The following INO80D variants were observed in gnomAD, a reference collection of about 807,000 sequenced individuals.
INO80D encodes the protein INO80 complex subunit D.
In INO80D, 21 loss-of-function variants were observed where a neutral mutation model predicts 87.6. The ratio of observed to expected loss-of-function variants is 0.24; its 90% CI spans 0.17 to 0.35. INO80D has a LOEUF of 0.35. Ranked by LOEUF, INO80D falls within the 10% of genes least tolerant of loss-of-function variation. The pLI, the probability that INO80D is intolerant of heterozygous loss-of-function variation, is 1.00. For synonymous variants in INO80D, 440 were observed against 491.0 expected (o/e 0.90, Z 1.37); for missense variants, 982 against 1,280.7 (o/e 0.77, Z 3.56).
intron 8 of INO80D, among the ~76,000 whole-genome samples, chr2:206,012,889 C>T (rs1398498025): frequency 8.1e-6 from 1 of 123,140 alleles, no homozygotes; most frequent in African/African-American, 2.8e-5. Context: ...AAAAAAAAAC[C>T]AGAGCCTAGA....
At position 205,994,093 on chromosome 2, in the gene INO80D, A is replaced by T. The variant is rs867114476; in HGVS notation, c.*10275T>A. 6.6e-6 allele frequency: 1 copy of T among 152,144 alleles called. No individual in the cohort carries two copies. Among genetic ancestry groups the T allele is most frequent in the Non-Finnish European group, 1.5e-5 (1 of 68,020 alleles). 9.4% of individuals were successfully genotyped at this position (152,144 alleles called of 1,614,324 possible). On this transcript the variant is annotated 3_prime_UTR_variant, in exon 11 of 11. Transcript: ENST00000403263. ...CAATGCCGCACCCAATGCCACAAGT[A>T]TGCCTGTCCACCAGAACTGGGGGCT...
chr2:206,020,439 T>G (rs560991317), intron 6 of INO80D, among the ~76,000 whole-genome samples: 1 of 152,314 alleles, frequency 6.6e-6, no homozygotes, highest in East Asian at 1.9e-4. Context: ...GATTGCCTCA[T>G]GCTACTAAAC....
chr2:206,037,606 A>C (rs184690919), intron 5 of INO80D, among the ~76,000 whole-genome samples: 1 of 152,344 alleles, frequency 6.6e-6, no homozygotes, highest in Non-Finnish European at 1.5e-5. Flanking sequence ...TATCATTAAA[A>C]AGACACTGTT....
chr2:206,004,919 A>G lies in INO80D; in HGVS notation c.2533T>C (p.Ser845Pro). 6.2e-7 allele frequency: 1 copy of G among 1,613,946 alleles called. No homozygotes were observed. The change falls in exon 11 of 11, where the codon TCT (serine) becomes CCT (proline). Residue 845 changes from serine to proline, a missense_variant. Coordinates refer to ENST00000403263, the MANE Select transcript of INO80D (RefSeq NM_017759.5). The surrounding 1 kb of genome is among the most constrained non-coding windows in gnomAD (Gnocchi z 4.9). ...CCAGAGTACGATGTTGTGTGGGGAG[A>G]GGTGATATGGTCACTGTAGGGAGAC... is the stretch of plus-strand genomic sequence containing the variant. The part of the protein sequence containing the change: ...VPSPYSDHIT[S>P]PHTTSYSGDN...
chr2:206,011,986 G>A (rs1209371345), intron 8 of INO80D, among the ~76,000 whole-genome samples: 1 of 152,236 alleles, frequency 6.6e-6, no homozygotes, highest in African/African-American at 2.4e-5. Flanking sequence ...TGAATGAAAG[G>A]AAGGAGTGAG....
At chr2:206,036,585 A>T (rs1159156282) in intron 5 of INO80D, among the ~76,000 whole-genome samples, 2 of 152,174 alleles carry the variant, frequency 1.3e-5, no homozygotes, top group Admixed American at 1.3e-4. Flanking sequence ...CTTGGGGGGA[A>T]GGGTGGAAGG....
At chr2:206,081,195 G>A (rs1259895682) in intron 1 of INO80D, among the ~76,000 whole-genome samples, 1 of 152,114 alleles carries the variant, frequency 6.6e-6, no homozygotes, top group African/African-American at 2.4e-5. Flanking sequence ...CAGAGCCCAA[G>A]CTTTTAACCA....
chr2:206,070,864 G>A (rs1458890392), intron 1 of INO80D, among the ~76,000 whole-genome samples: 3 of 147,484 alleles, frequency 2.0e-5, no homozygotes, highest in East Asian at 3.9e-4. Flanking sequence ...CCTGAAGCCA[G>A]TCTCTTGATT....
intron 1 of INO80D, among the ~76,000 whole-genome samples, chr2:206,075,630 G>T (rs1690095143): frequency 6.6e-6 from 1 of 151,484 alleles, no homozygotes; most frequent in African/African-American, 2.4e-5. Flanking sequence ...AGACACGAGG[G>T]TTTCACCATG....
At chr2:206,040,762 T>G (rs818013) in intron 5 of INO80D, 208,389 of 273,406 alleles carry the variant, frequency 0.76, 80,716 homozygotes, top group South Asian at 0.88. Flanking sequence ...TAAACACAAG[T>G]CCCAATGGGA....
rs1347487380 is a variant in INO80D, at chr2:206,003,572, T to G, written c.*796A>C. ...ATGTTCTGTTTCTTCTTGGGCTAACTTTTAGCAGAAAAAGGTTGTGCTACT... is the reference window on the plus strand; with the variant it reads ...ATGTTCTGTTTCTTCTTGGGCTAACGTTTAGCAGAAAAAGGTTGTGCTACT... On this transcript the variant is annotated 3_prime_UTR_variant, in exon 11 of 11. Coordinates refer to ENST00000403263, the MANE Select transcript of INO80D (RefSeq NM_017759.5). The G allele has an allele frequency of 6.6e-6, 1 of 152,216 alleles. No individual in the cohort carries two copies. The highest frequency in any genetic ancestry group is 1.5e-5 in the Non-Finnish European group (1 of 68,058). The allele number at this position is 152,216 out of a possible 1,614,324, so 9.4% of individuals were successfully genotyped here. A position where few individuals can be genotyped will look rare whatever the true frequency, so the allele number is the denominator to read the frequency against.
Position 206,056,586 on chromosome 2 carries a change from C to T in INO80D, c.576G>A (p.Glu192=). The T allele has an allele frequency of 6.2e-7, 1 of 1,611,194 alleles. No homozygotes were observed. The highest frequency in any genetic ancestry group is 8.5e-7 in the Non-Finnish European group (1 of 1,178,632). Residue 192 remains glutamate, a synonymous_variant, in exon 4 of 11, where the codon GAG becomes GAA. Coordinates refer to ENST00000403263, the MANE Select transcript of INO80D (RefSeq NM_017759.5). ...AAGGTGCAGGAGGGGGACTAAAGTG[C>T]TCTTGTCGAACTTTTAAAATCTCTG... The part of the protein sequence containing the change: ...RETEILKVRQ[E]HFSPPPAPSQ...
Position 206,006,437 on chromosome 2 carries a change from C to T in INO80D, c.1918+847G>A, listed in dbSNP as rs185195497. 1.9e-3 allele frequency among the ~76,000 whole-genome samples: 294 copies of T among 152,214 alleles called. 1 individual carries two copies. The highest frequency in any genetic ancestry group is 6.7e-3 in the African/African-American group (280 of 41,540). ...GTGGCTCGTGCTTGTAATCCCAGCA[C>T]GTTGGGAGGCCAAGGCAGGTGGATC... On this transcript the variant is annotated intron_variant, in intron 10 of 10. Coordinates refer to ENST00000403263, the MANE Select transcript of INO80D (RefSeq NM_017759.5).
intron 3 of INO80D, among the ~76,000 whole-genome samples, chr2:206,060,407 C>T (rs573580293): frequency 6.6e-6 from 1 of 151,778 alleles, no homozygotes; most frequent in South Asian, 2.1e-4. Flanking sequence ...GTAGTGTGCA[C>T]CTGTAATCCC....
rs887558669 is a variant in INO80D at position 206,001,780 on chromosome 2, G to C, written c.*2588C>G. On this transcript the variant is annotated 3_prime_UTR_variant, in exon 11 of 11. Coordinates refer to ENST00000403263, the MANE Select transcript of INO80D (RefSeq NM_017759.5). ...GATAAAATAAGAGGAAAAGTTTGTT[G>C]TTGATAATTCCTCAACCACTTTCCT... The C allele has an allele frequency of 4.6e-5, 7 of 152,192 alleles. No homozygotes were observed. The highest frequency in any genetic ancestry group is 8.8e-5 in the Non-Finnish European group (6 of 68,032). 9.4% of individuals were successfully genotyped at this position (152,192 alleles called of 1,614,324 possible).
At chr2:206,012,850 CAAAG>C (rs1289637014) in intron 8 of INO80D, among the ~76,000 whole-genome samples, 1 of 99,698 alleles carries the variant, frequency 1.0e-5, no homozygotes, top group Non-Finnish European at 1.9e-5. Flanking sequence ...ACCTGGGTGA[CAAAG>C]AGAGACTTGT....
Position 206,047,856 on chromosome 2 carries a change from A to AT in INO80D, c.965-1245dup, listed in dbSNP as rs1175389682. 2.9e-4 allele frequency among the ~76,000 whole-genome samples: 41 copies of AT among 139,450 alleles called. 1 individual carries two copies. Among genetic ancestry groups the AT allele is most frequent in the East Asian group, 4.3e-4 (2 of 4,688 alleles). 91.5% of individuals were successfully genotyped at this position (139,450 alleles called of 152,430 possible). A position where few individuals can be genotyped will look rare whatever the true frequency, so the allele number is the denominator to read the frequency against. ...CTAATGAGGTTTCGGATTTCTTTCA[A>AT]TTTTTTTTTTTTGAGACGGAGTCTC... On this transcript the variant is annotated intron_variant, in intron 4 of 10. Transcript: ENST00000403263.
intron 1 of INO80D, among the ~76,000 whole-genome samples, chr2:206,068,393 C>G (rs1559462897): frequency 6.6e-6 from 1 of 152,156 alleles, no homozygotes; most frequent in African/African-American, 2.4e-5. Flanking sequence ...AGCCACTGTG[C>G]CTGGCCACAC....
At chr2:206,007,186 G>A (rs1575791941) in intron 10 of INO80D, 98 bp downstream of exon 10, 1 of 1,007,632 alleles carries the variant, frequency 9.9e-7, no homozygotes, top group South Asian at 1.5e-5. Context: ...GACATTACAT[G>A]TGAGGAGGAA....
Sources: gnomAD v4.1 joint callset for allele counts (sites outside exome capture counted in the v4.1 genomes callset) on GRCh38, gnomAD v4.1.1 for gene constraint, Gnocchi (gnomAD v3.1) non-coding constraint, MANE v1.5 for transcripts, NCBI Gene and HGNC (gene_info 2026-07-23, HGNC 2026-07-21) for gene names.